KCNIP4: variants seen among roughly 807,000 people sequenced by gnomAD.
KCNIP4 encodes Kv channel-interacting protein 4.
A neutral mutation model predicts 34.0 loss-of-function variants in KCNIP4; 12 were observed. That is an observed-to-expected ratio of 0.35 (90% CI 0.23 to 0.57). The LOEUF (loss-of-function observed/expected upper bound fraction) is 0.57, where lower values mean the gene tolerates loss of function less well. Among genes scored for constraint, KCNIP4 ranks in the 20% least tolerant of loss-of-function variants. KCNIP4 has a pLI of 0.83. For synonymous variants in KCNIP4, 124 were observed against 102.2 expected (o/e 1.21, Z -1.29); for missense variants, 238 against 311.7 (o/e 0.76, Z 1.78).
At chr4:21,270,497 T>G (rs1253518695) in intron 1 of KCNIP4, among the ~76,000 whole-genome samples, 1 of 152,210 alleles carries the variant, frequency 6.6e-6, no homozygotes, top group East Asian at 1.9e-4. Flanking sequence ...TTAGATTTAA[T>G]TCATCAAATA....
chr4:21,065,761 TATATAA>T (rs1432147550), intron 1 of KCNIP4, among the ~76,000 whole-genome samples: 141 of 121,652 alleles, frequency 1.2e-3, no homozygotes, highest in African/African-American at 3.8e-3. Context: ...TATATATATA[TATATAA>T]CTCAATTTTA....
intron 1 of KCNIP4, among the ~76,000 whole-genome samples, chr4:21,102,499 C>A (rs2109072804): frequency 6.6e-6 from 1 of 152,168 alleles, no homozygotes; most frequent in Admixed American, 6.5e-5. Flanking sequence ...TGACATAGAA[C>A]CATCTGGAAT....
chr4:21,110,727 G>A (rs1749090951), intron 1 of KCNIP4, among the ~76,000 whole-genome samples: 1 of 152,164 alleles, frequency 6.6e-6, no homozygotes, highest in Non-Finnish European at 1.5e-5. Flanking sequence ...CCCTTATACA[G>A]GAAATGTGAG....
chr4:21,491,121 G>T (rs1732355953), intron 1 of KCNIP4, among the ~76,000 whole-genome samples: 1 of 152,042 alleles, frequency 6.6e-6, no homozygotes, highest in Non-Finnish European at 1.5e-5. Context: ...ACAGAGATTG[G>T]CCAGCTAGTG....
chr4:20,858,242 A>AAT (rs1721823865), intron 2 of KCNIP4, among the ~76,000 whole-genome samples: 1 of 140,860 alleles, frequency 7.1e-6, no homozygotes, highest in Non-Finnish European at 1.5e-5. Flanking sequence ...AAAAAAAAAA[A>AAT]GAGGAAGACA....
intron 2 of KCNIP4, among the ~76,000 whole-genome samples, chr4:20,879,877 T>G (rs1386837613): frequency 6.6e-6 from 1 of 152,178 alleles, no homozygotes; most frequent in African/African-American, 2.4e-5. Context: ...TAGGGGAAAG[T>G]AATTTTAAAA....
intron 1 of KCNIP4, among the ~76,000 whole-genome samples, chr4:21,671,768 A>T (rs1749518848): frequency 1.3e-5 from 2 of 152,138 alleles, no homozygotes; most frequent in South Asian, 4.1e-4. Flanking sequence ...TTGGAGGAAA[A>T]CTAAATCCTA....
At chr4:21,593,510 C>G (rs1018048351) in intron 1 of KCNIP4, among the ~76,000 whole-genome samples, 2 of 151,980 alleles carry the variant, frequency 1.3e-5, no homozygotes, top group Admixed American at 1.3e-4. Context: ...CTGTGGTCCC[C>G]GGACCTGGCA....
chr4:21,589,156 GTATATATATATATATATATA>G (rs375787939), intron 1 of KCNIP4, among the ~76,000 whole-genome samples: 7 of 71,214 alleles, frequency 9.8e-5, no homozygotes, highest in Non-Finnish European at 1.9e-4. Flanking sequence ...ATGGAGGTGT[GTATATATATATATATATATA>G]TATATATATA....
At chr4:21,322,248 C>T (rs1439879724) in intron 1 of KCNIP4, among the ~76,000 whole-genome samples, 1 of 152,126 alleles carries the variant, frequency 6.6e-6, no homozygotes, top group Non-Finnish European at 1.5e-5. Flanking sequence ...AAATAGATTT[C>T]TGGCAGTTCT....
At chr4:21,233,767 A>C (rs1758968912) in intron 1 of KCNIP4, among the ~76,000 whole-genome samples, 1 of 147,756 alleles carries the variant, frequency 6.8e-6, no homozygotes, top group South Asian at 2.1e-4. Context: ...GACCTTCAAA[A>C]TATTTTTATT....
At chr4:21,114,749 C>T (rs1749544525) in intron 1 of KCNIP4, among the ~76,000 whole-genome samples, 1 of 152,104 alleles carries the variant, frequency 6.6e-6, no homozygotes, top group Non-Finnish European at 1.5e-5. Context: ...CCATCATTTT[C>T]CGATGAAAAA....
intron 1 of KCNIP4, among the ~76,000 whole-genome samples, chr4:21,588,547 T>C (rs1226209164): frequency 6.6e-6 from 1 of 151,980 alleles, no homozygotes; most frequent in Admixed American, 6.6e-5. Context: ...CATCAGGAAA[T>C]GAATTACCTA....
chr4:21,296,264 C>T (rs1021724354), intron 1 of KCNIP4, among the ~76,000 whole-genome samples: 4 of 151,996 alleles, frequency 2.6e-5, no homozygotes, highest in African/African-American at 4.8e-5. Flanking sequence ...AGTAACCATG[C>T]TTTGGAAAGC....
At chr4:21,516,761 A>C (rs1014880877) in intron 1 of KCNIP4, among the ~76,000 whole-genome samples, 42 of 152,174 alleles carry the variant, frequency 2.8e-4, no homozygotes, top group African/African-American at 9.9e-4. Flanking sequence ...TTAGCAACAC[A>C]TGAAGTTTAG....
chr4:20,947,476 C>G (rs1732307865), intron 1 of KCNIP4, among the ~76,000 whole-genome samples: 1 of 152,138 alleles, frequency 6.6e-6, no homozygotes, highest in African/African-American at 2.4e-5. Context: ...GCTGATATTC[C>G]TAGTTGTTAA....
intron 1 of KCNIP4, among the ~76,000 whole-genome samples, chr4:20,944,275 T>G (rs1196531371): frequency 1.3e-5 from 2 of 152,188 alleles, no homozygotes; most frequent in African/African-American, 2.4e-5. Flanking sequence ...GTTTCATGTC[T>G]ATGCTGAGGG....
At chr4:20,933,853 A>G (rs1730760025) in intron 1 of KCNIP4, among the ~76,000 whole-genome samples, 1 of 152,180 alleles carries the variant, frequency 6.6e-6, no homozygotes, top group South Asian at 2.1e-4. Context: ...TTGGCATTTT[A>G]TCAAACTTCC....
intron 3 of KCNIP4, among the ~76,000 whole-genome samples, chr4:20,815,751 C>T (rs1193432422): frequency 1.3e-5 from 2 of 152,178 alleles, no homozygotes; most frequent in African/African-American, 4.8e-5. Context: ...AAAATCACAA[C>T]TAACATTTAG....
Sources: allele counts gnomAD v4.1 joint callset (sites outside exome capture counted in the v4.1 genomes callset), GRCh38; gene constraint gnomAD v4.1.1; transcripts MANE v1.5; gene names NCBI Gene and HGNC (gene_info 2026-07-23, HGNC 2026-07-21).